Variants in NAV2 observed in about 807,000 individuals in gnomAD.
NAV2 encodes neuron navigator 2, also known as helicase, APC down-regulated 1.
In NAV2, 54 loss-of-function variants were observed where a neutral mutation model predicts 223.2. The ratio of observed to expected loss-of-function variants is 0.24; its 90% CI spans 0.19 to 0.30. The LOEUF (loss-of-function observed/expected upper bound fraction) is 0.30. Among genes scored for constraint, NAV2 ranks in the 10% least tolerant of loss-of-function variants. The pLI is 1.00. For synonymous variants in NAV2, 1,279 were observed against 1,239.3 expected, an observed-to-expected ratio of 1.03 and a Z score of -0.67; for missense variants, 2,806 against 3,147.5, an observed-to-expected ratio of 0.89 and a Z score of 2.60.
chr11:19,994,243 T>A (rs74939640), intron 11 of NAV2, among the ~76,000 whole-genome samples: 217 of 152,308 alleles, frequency 1.4e-3, no homozygotes, highest in African/African-American at 5.1e-3. Flanking sequence ...GTATCTTTTG[T>A]CATGTTGAAA....
intron 1 of NAV2, among the ~76,000 whole-genome samples, chr11:19,570,088 C>T (rs2045381697): frequency 6.6e-6 from 1 of 152,166 alleles, no homozygotes; most frequent in Non-Finnish European, 1.5e-5. Flanking sequence ...TGTGGAATCA[C>T]TACCTATCAC....
intron 1 of NAV2, among the ~76,000 whole-genome samples, chr11:19,470,887 C>A (rs866448033): frequency 6.6e-6 from 1 of 152,156 alleles, no homozygotes; most frequent in Non-Finnish European, 1.5e-5. Context: ...TCTCTTCCTT[C>A]TCTTGTCAGT....
intron 1 of NAV2, among the ~76,000 whole-genome samples, chr11:19,355,880 GC>G (rs1385994897): frequency 6.6e-6 from 1 of 152,164 alleles, no homozygotes; most frequent in Non-Finnish European, 1.5e-5. Context: ...ATTTTCCTTG[GC>G]CATAGTGATA....
chr11:20,068,516 A>C, intron 22 of NAV2, 118 bp downstream of exon 22: 1 of 778,408 alleles, frequency 1.3e-6, no homozygotes, highest in Non-Finnish European at 2.2e-6. Flanking sequence ...AGAAAAAGAC[A>C]CAGGCTTTGG....
rs759665496 is a variant in NAV2 at position 19,948,833 on chromosome 11, A to G, written c.2398A>G (p.Met800Val). The change falls in exon 10 of 38, where the codon ATG (methionine) becomes GTG (valine). Residue 800 changes from methionine (M) to valine (V), a missense_variant. This residue lies in a region of NAV2 where 1,167 missense variants were observed against 1,180.5 expected (regional missense o/e 0.99). Coordinates refer to ENST00000349880, the MANE Select transcript of NAV2 (RefSeq NM_145117.5). ...GCTCCAAGCAGGAGACGCCCCCTCA[A>G]TGGGCAATGGGTATCCCCCTCGAGC... ...PRLQAGDAPS[M>V]GNGYPPRANA... 6.2e-6 allele frequency: 10 copies of G among 1,613,876 alleles called. No homozygotes were observed. Among genetic ancestry groups the G allele is most frequent in the African/African-American group, 1.3e-5 (1 of 74,874 alleles).
rs76515322 is a variant in NAV2 at position 19,420,879 on chromosome 11, T to C, written c.75+69852T>C. On this transcript the variant is annotated intron_variant, in intron 1 of 37. Transcript: ENST00000360655. ...ATGAATTATGCATTGTCCTGTCTTCTGTTATGCTTCAATTAAAAGCTAAGC... is the reference window on the plus strand; with the variant it reads ...ATGAATTATGCATTGTCCTGTCTTCCGTTATGCTTCAATTAAAAGCTAAGC... Among the ~76,000 whole-genome samples, 813 of 152,324 alleles carry C rather than the reference T, an allele frequency of 5.3e-3. 5 individuals are homozygous for C. Among genetic ancestry groups the C allele is most frequent in the African/African-American group, 0.018 (754 of 41,560 alleles).
chr11:19,996,920 T>G (rs1299582916), intron 11 of NAV2, among the ~76,000 whole-genome samples: 2 of 152,176 alleles, frequency 1.3e-5, no homozygotes, highest in Non-Finnish European at 2.9e-5. Flanking sequence ...GGTGGCTGCA[T>G]GGCTCAGTGG....
At chr11:19,695,240 T>A (rs2049296187) in intron 1 of NAV2, among the ~76,000 whole-genome samples, 1 of 152,170 alleles carries the variant, frequency 6.6e-6, no homozygotes, top group Non-Finnish European at 1.5e-5. Flanking sequence ...AAACATGACA[T>A]AGTGGGAAAG....
intron 1 of NAV2, among the ~76,000 whole-genome samples, chr11:19,733,775 A>G (rs1165898225): frequency 6.6e-6 from 1 of 152,138 alleles, no homozygotes; most frequent in Non-Finnish European, 1.5e-5. Flanking sequence ...ATGGAAAAGG[A>G]TGAAGACTGG....
intron 11 of NAV2, among the ~76,000 whole-genome samples, chr11:20,012,763 G>A (rs1458140148): frequency 6.6e-6 from 1 of 152,036 alleles, no homozygotes; most frequent in Admixed American, 6.5e-5. Context: ...CAGTGAAGTG[G>A]CTGTCTGTAA....
At chr11:19,423,422 G>A (rs191527956) in intron 1 of NAV2, among the ~76,000 whole-genome samples, 2 of 152,324 alleles carry the variant, frequency 1.3e-5, no homozygotes, top group East Asian at 3.9e-4. Flanking sequence ...GGGTCAAAAA[G>A]CTCTCACCTT....
At chr11:20,014,081 G>C (rs868443453) in intron 11 of NAV2, among the ~76,000 whole-genome samples, 10 of 152,212 alleles carry the variant, frequency 6.6e-5, no homozygotes, top group Non-Finnish European at 1.5e-4. Flanking sequence ...AGTGGAGTGA[G>C]ATCAGAGTCC....
At chr11:19,349,231 T>G (rs1390903542), upstream of NAV2, among the ~76,000 whole-genome samples, 1 of 152,218 alleles carries the variant, frequency 6.6e-6, no homozygotes, top group Non-Finnish European at 1.5e-5. Flanking sequence ...GGCCGAGTGT[T>G]TCACGTGTGT....
chr11:19,936,051 TACAG>T (rs1192623731), intron 7 of NAV2, among the ~76,000 whole-genome samples: 3 of 149,430 alleles, frequency 2.0e-5, no homozygotes, highest in Non-Finnish European at 3.0e-5. Flanking sequence ...TTAATTTTAA[TACAG>T]ACAGGATTTC....
At position 19,700,291 on chromosome 11, in the gene NAV2, C is replaced by T. The variant is rs190390205; in HGVS notation, c.76-132193C>T. ...GCACAGAGAGATTAAGTAACTTGTCCAAAGTAACACTGCCAGTAAGTGGCA... is the reference window on the plus strand; with the variant it reads ...GCACAGAGAGATTAAGTAACTTGTCTAAAGTAACACTGCCAGTAAGTGGCA... On this transcript the variant is annotated intron_variant, in intron 1 of 37. Transcript: ENST00000360655. Among the ~76,000 whole-genome samples the T allele has an allele frequency of 9.2e-5, 14 of 152,268 alleles. No individual in the cohort carries two copies. In the East Asian group the frequency reaches 2.7e-3, roughly 29 times the overall value.
In NAV2 at chr11:20,042,980, T is replaced by A. The variant is rs558579081; in HGVS notation, c.2908-1001T>A. On this transcript the variant is annotated intron_variant, in intron 12 of 37. Transcript: ENST00000349880. Reference sequence around the variant, plus strand: ...GGTTTTATGGCCAGCAGGTCAGGGCTCTTCCAAAGAAAGCTGGCTAATTAT... The same window carrying A: ...GGTTTTATGGCCAGCAGGTCAGGGCACTTCCAAAGAAAGCTGGCTAATTAT... Among the ~76,000 whole-genome samples the A allele has an allele frequency of 2.6e-5, 4 of 152,298 alleles. No individual in the cohort carries two copies. The South Asian group carries it at 8.3e-4, about 32-fold the overall frequency.
chr11:19,386,724 T>C (rs543130320), intron 1 of NAV2, among the ~76,000 whole-genome samples: 2 of 152,016 alleles, frequency 1.3e-5, no homozygotes, highest in South Asian at 4.2e-4. Flanking sequence ...CTAAAGTGAG[T>C]TTTTGAAGCA....
intron 1 of NAV2, among the ~76,000 whole-genome samples, chr11:19,687,946 C>T (rs1478379322): frequency 1.3e-5 from 2 of 152,144 alleles, no homozygotes; most frequent in Admixed American, 6.5e-5. Context: ...ATCTAGAGAG[C>T]CCCTGTGCCC....
intron 1 of NAV2, among the ~76,000 whole-genome samples, chr11:19,576,674 G>A (rs969699588): frequency 6.6e-6 from 1 of 152,168 alleles, no homozygotes; most frequent in African/African-American, 2.4e-5. Context: ...AAGATCTGCT[G>A]CTCCCAAAGA....
Sources: allele counts gnomAD v4.1 joint callset (sites outside exome capture counted in the v4.1 genomes callset), GRCh38; gene constraint gnomAD v4.1.1; regional missense constraint gnomAD v4.1.1; transcripts MANE v1.5; gene names NCBI Gene and HGNC (gene_info 2026-07-23, HGNC 2026-07-21).